Variants in CYTIP observed in about 807,000 individuals in gnomAD.
CYTIP encodes cytohesin-interacting protein.
In CYTIP, 26 loss-of-function variants were observed where a neutral mutation model predicts 43.8. That is an observed-to-expected ratio of 0.59 (90% CI 0.44 to 0.82). CYTIP has a LOEUF of 0.82. CYTIP is among the 40% of genes least tolerant of loss of function. The pLI, the probability that CYTIP is intolerant of heterozygous loss-of-function variation, is 0.00. For missense variants in CYTIP, 426 were observed against 443.1 expected, an observed-to-expected ratio of 0.96 and a Z score of 0.35; for synonymous variants, 162 against 162.9, an observed-to-expected ratio of 0.99 and a Z score of 0.04.
chr2:157,416,978 T>TGA (rs892918472), intron 7 of CYTIP, among the ~76,000 whole-genome samples: 4 of 151,806 alleles, frequency 2.6e-5, no homozygotes, highest in Non-Finnish European at 5.9e-5. Context: ...TGTGTGTGTG[T>TGA]GTGAGAGAGA....
rs531829793 is a variant in CYTIP, at chr2:157,437,031, T to C, written c.175-2284A>G. On this transcript the variant is annotated intron_variant, in intron 1 of 7. Coordinates refer to ENST00000264192, the MANE Select transcript of CYTIP (RefSeq NM_004288.5). ...TATGCAGAAGAAAGAAACTAGACCATACCTCTCACTCTATACAGAAATCAA... is the reference window on the plus strand; with the variant it reads ...TATGCAGAAGAAAGAAACTAGACCACACCTCTCACTCTATACAGAAATCAA... Among the ~76,000 whole-genome samples, 4 of 152,106 alleles carry C rather than the reference T, an allele frequency of 2.6e-5. No homozygotes were observed. The South Asian group carries it at 8.3e-4, about 32-fold the overall frequency.
chr2:157,440,018 T>C (rs969291260), intron 1 of CYTIP, among the ~76,000 whole-genome samples: 2 of 152,200 alleles, frequency 1.3e-5, no homozygotes, highest in African/African-American at 4.8e-5. Context: ...TTTAGCCACT[T>C]CTGGGTTACA....
chr2:157,417,201 C>T (rs1451995315), intron 7 of CYTIP, among the ~76,000 whole-genome samples: 2 of 152,114 alleles, frequency 1.3e-5, no homozygotes, highest in Non-Finnish European at 2.9e-5. Context: ...ACAGCCAGCC[C>T]CATGGTGACT....
intron 6 of CYTIP, among the ~76,000 whole-genome samples, chr2:157,419,467 TG>T (rs2105132599): frequency 6.6e-6 from 1 of 152,326 alleles, no homozygotes; most frequent in African/African-American, 2.4e-5. Context: ...AGCTGCCACA[TG>T]GGTCAAGACA....
chr2:157,417,696 T>TAAA (rs547700908), intron 7 of CYTIP, among the ~76,000 whole-genome samples: 1 of 142,438 alleles, frequency 7.0e-6, no homozygotes, highest in African/African-American at 2.5e-5. Context: ...CACTTCAATT[T>TAAA]AAAAAAAAAA....
rs185432543 is a variant in CYTIP, at chr2:157,430,552, T to C, written c.476+7A>G. 8 of 1,612,632 alleles carry C rather than the reference T, an allele frequency of 5.0e-6. No homozygotes were observed. In the East Asian group the frequency reaches 1.3e-4, roughly 27 times the overall value. ...TGAAGCCCCACGGGAACTAGACAGA[T>C]AGTTACGTTAGCAGGTTTCCGGACG... On this transcript the variant is annotated splice_region_variant and intron_variant, in intron 5 of 7. Transcript: ENST00000264192.
chr2:157,430,095 G>T (rs1286145549), intron 5 of CYTIP, among the ~76,000 whole-genome samples: 1 of 151,996 alleles, frequency 6.6e-6, no homozygotes, highest in African/African-American at 2.4e-5. Context: ...TTCAGGGTGG[G>T]GAGGGTTGAA....
chr2:157,442,078 C>A (rs1685927952), intron 1 of CYTIP, among the ~76,000 whole-genome samples: 1 of 152,194 alleles, frequency 6.6e-6, no homozygotes, highest in Non-Finnish European at 1.5e-5. Flanking sequence ...GTCCTCCAGG[C>A]ACCAGGATCT....
At chr2:157,441,325 A>G (rs1390223687) in intron 1 of CYTIP, among the ~76,000 whole-genome samples, 1 of 152,236 alleles carries the variant, frequency 6.6e-6, no homozygotes, top group East Asian at 1.9e-4. Context: ...TCCATTTGGA[A>G]GATTGTGAAA....
intron 6 of CYTIP, among the ~76,000 whole-genome samples, chr2:157,419,633 T>C (rs1485760263): frequency 6.6e-6 from 1 of 152,192 alleles, no homozygotes; most frequent in East Asian, 1.9e-4. Flanking sequence ...TTCAGGTCCC[T>C]ATAGCAAGCC....
In CYTIP at chr2:157,415,827, G is replaced by C. The variant is rs1472328125; in HGVS notation, c.930C>G (p.Ser310Arg). The change falls in exon 8 of 8, where the codon AGC becomes AGG. Residue 310 changes from serine (S) to arginine (R), a missense_variant. By Grantham distance (110) the Ser-to-Arg change is moderately radical. Transcript: ENST00000264192. ...RRNRSISNTS[S>R]GSMSPLWEGN... ...CCTCCCACAAGGGAGACATGGATCC[G>C]CTGCTGGTGTTACTGATGCTCCGGT... The C allele has an allele frequency of 6.2e-7, 1 of 1,614,186 alleles. No homozygotes were observed. The highest frequency in any genetic ancestry group is 8.5e-7 in the Non-Finnish European group (1 of 1,180,034).
chr2:157,424,525 A>G (rs1205567005), intron 6 of CYTIP, among the ~76,000 whole-genome samples: 1 of 152,078 alleles, frequency 6.6e-6, no homozygotes, highest in Admixed American at 6.6e-5. Context: ...TGATATATAT[A>G]TATATAATGT....
In CYTIP at chr2:157,415,703, C is replaced by T; in HGVS notation, c.1054G>A (p.Val352Met). The T allele has an allele frequency of 6.2e-7, 1 of 1,611,948 alleles. No homozygotes were observed. The highest frequency in any genetic ancestry group is 2.2e-5 in the East Asian group (1 of 44,870). Residue 352 changes from valine (V) to methionine (M), a missense_variant, in exon 8 of 8, where the codon GTG (valine) becomes ATG (methionine). Val to Met is a conservative substitution (Grantham distance 21, BLOSUM62 1). Coordinates refer to ENST00000264192, the MANE Select transcript of CYTIP (RefSeq NM_004288.5). ...CAAAAGCGACTTTCTTCCTCTTCCA[C>T]AGCACGATGAAGGCCAGGGATAAAT... is the stretch of plus-strand genomic sequence containing the variant. ...LKFIPGLHRA[V>M]EEEESRF
intron 6 of CYTIP, among the ~76,000 whole-genome samples, chr2:157,423,722 C>A (rs915523710): frequency 3.3e-5 from 5 of 151,970 alleles, no homozygotes; most frequent in Non-Finnish European, 2.9e-5. Context: ...GAAACTCTTT[C>A]AAAATCCTAA....
At chr2:157,443,807 GA>G in intron 1 of CYTIP, 39 bp downstream of exon 1, 1 of 1,598,146 alleles carries the variant, frequency 6.3e-7, no homozygotes, top group East Asian at 2.2e-5. Context: ...GCCCTCAAGA[GA>G]ATGTGAACAC....
intron 6 of CYTIP, among the ~76,000 whole-genome samples, chr2:157,419,388 A>G (rs1395109364): frequency 6.6e-6 from 1 of 152,148 alleles, no homozygotes; most frequent in Admixed American, 6.5e-5. Context: ...AAGCACCCTA[A>G]CTTCTTAACT....
intron 7 of CYTIP, 151 bp downstream of exon 7, chr2:157,418,372 C>T: frequency 3.0e-6 from 2 of 666,912 alleles, no homozygotes; most frequent in Non-Finnish European, 4.8e-6. Context: ...ACAGCCATTC[C>T]AAAGCTCATG....
At position 157,427,431 on chromosome 2, in the gene CYTIP, GA is replaced by G. The variant is rs200823949; in HGVS notation, c.477-12del. The stretch of plus-strand genomic sequence containing the variant: ...TTAAGAGTCTCTATCCTGTTTTAAG[GA>G]AAAAAAAAAGAAGAGGAAGGTGGGG... On this transcript the variant is annotated splice_polypyrimidine_tract_variant and intron_variant, in intron 5 of 7. Transcript: ENST00000264192. 3,082 of 1,368,614 alleles carry G rather than the reference GA, an allele frequency of 2.3e-3. No homozygotes were observed. The highest frequency in any genetic ancestry group is 6.8e-3 in the Admixed American group (305 of 44,702). 84.8% of individuals were successfully genotyped at this position (1,368,614 alleles called of 1,614,324 possible).
chr2:157,440,576 G>A (rs1034956286), intron 1 of CYTIP, among the ~76,000 whole-genome samples: 4 of 152,182 alleles, frequency 2.6e-5, no homozygotes, highest in East Asian at 1.9e-4. Flanking sequence ...CGGACACACC[G>A]TGAAAGCTCC....
Sources: gnomAD v4.1 joint callset for allele counts (sites outside exome capture counted in the v4.1 genomes callset) on GRCh38, gnomAD v4.1.1 for gene constraint, MANE v1.5 for transcripts, NCBI Gene and HGNC (gene_info 2026-07-23, HGNC 2026-07-21) for gene names.